CD109: variants seen among roughly 807,000 people sequenced by gnomAD.
CD109 encodes the protein CD109 molecule.
In CD109, 149 loss-of-function variants were observed where a neutral mutation model predicts 165.8. That is an observed-to-expected ratio of 0.90 (90% CI 0.79 to 1.03). The LOEUF is 1.03. CD109 is among the 50% of genes least tolerant of loss of function. CD109 has a pLI of 0.00. For synonymous variants in CD109, 585 were observed against 592.1 expected (o/e 0.99, Z 0.18); for missense variants, 1,712 against 1,677.8 (o/e 1.02, Z -0.36).
chr6:73,754,603 G>T (rs1240233999), intron 5 of CD109, among the ~76,000 whole-genome samples: 1 of 152,310 alleles, frequency 6.6e-6, no homozygotes, highest in East Asian at 1.9e-4. Context: ...GCTCAAATAA[G>T]TAAGTTGATT....
At chr6:73,789,231 A>C (rs942718844) in intron 22 of CD109, among the ~76,000 whole-genome samples, 1 of 152,218 alleles carries the variant, frequency 6.6e-6, no homozygotes, top group Non-Finnish European at 1.5e-5. Context: ...TTACAGTAGG[A>C]AGTTACTCAC....
chr6:73,761,340 T>G (rs1402231834), intron 7 of CD109, among the ~76,000 whole-genome samples: 2 of 152,182 alleles, frequency 1.3e-5, no homozygotes, highest in Admixed American at 1.3e-4. Flanking sequence ...GAAAGATTTA[T>G]GTAATCTTTA....
chr6:73,803,355 G>A (rs1035150559), intron 24 of CD109, 54 bp downstream of exon 24: 5 of 1,332,080 alleles, frequency 3.8e-6, no homozygotes, highest in Middle Eastern at 1.8e-4. Context: ...GCTTTCACTA[G>A]GTCACAATAG....
chr6:73,702,420 GATTA>G (rs1234744005), intron 2 of CD109, among the ~76,000 whole-genome samples: 1 of 152,214 alleles, frequency 6.6e-6, no homozygotes, highest in Non-Finnish European at 1.5e-5. Context: ...TATGAAAGTA[GATTA>G]ATTAGTGTAG....
intron 10 of CD109, 86 bp from the exon 11 acceptor site, chr6:73,765,844 A>G (rs951092892): frequency 3.2e-5 from 32 of 1,000,156 alleles, no homozygotes; most frequent in South Asian, 2.8e-4. Flanking sequence ...TGAGAGTTCA[A>G]TTTCATGAGA....
At chr6:73,810,873 G>C in intron 27 of CD109, 119 bp from the exon 28 acceptor site, 2 of 951,722 alleles carry the variant, frequency 2.1e-6, no homozygotes. Flanking sequence ...ATATGAATCA[G>C]GGAGCATTCC....
chr6:73,757,818 C>T (rs62438667), intron 6 of CD109, among the ~76,000 whole-genome samples: 59 of 152,164 alleles, frequency 3.9e-4, no homozygotes, highest in Non-Finnish European at 7.1e-4. Context: ...AAAAATTTGA[C>T]TACTAGAAAT....
intron 5 of CD109, among the ~76,000 whole-genome samples, chr6:73,736,860 G>T (rs1772564938): frequency 6.6e-6 from 1 of 152,184 alleles, no homozygotes; most frequent in Non-Finnish European, 1.5e-5. Flanking sequence ...TTAGAATAAT[G>T]ACTCCTAATG....
At chr6:73,711,111 A>G (rs557291426) in intron 2 of CD109, among the ~76,000 whole-genome samples, 3 of 152,322 alleles carry the variant, frequency 2.0e-5, no homozygotes, top group African/African-American at 7.2e-5. Context: ...TGACCCTGCC[A>G]TTAAAAATGC....
intron 31 of CD109, 31 bp from the exon 32 acceptor site, chr6:73,820,430 A>C: frequency 1.6e-6 from 2 of 1,255,082 alleles, no homozygotes; most frequent in Non-Finnish European, 2.3e-6. Flanking sequence ...ACAGTGTGCC[A>C]ACCCCTTAAG....
chr6:73,736,047 A>G (rs1184951077), intron 4 of CD109, among the ~76,000 whole-genome samples: 2 of 152,290 alleles, frequency 1.3e-5, no homozygotes, highest in East Asian at 1.9e-4. Flanking sequence ...CTTGGGAGAA[A>G]TATGAGAAAA....
intron 2 of CD109, chr6:73,723,011 C>T: frequency 3.0e-6 from 1 of 336,176 alleles, no homozygotes; most frequent in Non-Finnish European, 4.2e-6. Flanking sequence ...GAAGCAGAAC[C>T]TAATGTTTTT....
chr6:73,781,315 T>G lies in CD109; in HGVS notation c.1959T>G (p.Gly653=). 6.2e-7 allele frequency: 1 copy of G among 1,611,664 alleles called. No individual in the cohort carries two copies. Among genetic ancestry groups the G allele is most frequent in the Non-Finnish European group, 8.5e-7 (1 of 1,177,950 alleles). ...DANLTKDYID[G]VYDNAEYAER... Reference sequence around the variant, plus strand: ...ACCTCACGAAGGATTATATTGATGGTGTTTGTAAGTAATACATGGCGACAT... The same window carrying G: ...ACCTCACGAAGGATTATATTGATGGGGTTTGTAAGTAATACATGGCGACAT... Residue 653 remains glycine, a synonymous_variant, in exon 17 of 33, where the codon GGT becomes GGG. Coordinates refer to ENST00000287097, the MANE Select transcript of CD109 (RefSeq NM_133493.5).
intron 23 of CD109, among the ~76,000 whole-genome samples, 158 bp from the exon 24 acceptor site, chr6:73,803,062 A>G (rs1198987250): frequency 1.3e-5 from 2 of 152,148 alleles, no homozygotes; most frequent in Non-Finnish European, 2.9e-5. Flanking sequence ...TAAATTTCCA[A>G]CAGCACTTAA....
chr6:73,765,730 A>G (rs1773810558), intron 10 of CD109, among the ~76,000 whole-genome samples, 200 bp from the exon 11 acceptor site: 1 of 152,176 alleles, frequency 6.6e-6, no homozygotes, highest in Non-Finnish European at 1.5e-5. Flanking sequence ...GAGCCGCGGA[A>G]GTTAAGGGAA....
chr6:73,753,051 G>A (rs1281816163), intron 5 of CD109, among the ~76,000 whole-genome samples: 1 of 151,732 alleles, frequency 6.6e-6, no homozygotes, highest in Non-Finnish European at 1.5e-5. Context: ...TTTTAAACTA[G>A]AGGTTAGCAA....
chr6:73,722,368 A>T (rs906229663), intron 2 of CD109, among the ~76,000 whole-genome samples: 2 of 152,220 alleles, frequency 1.3e-5, no homozygotes, highest in Non-Finnish European at 2.9e-5. Flanking sequence ...GATGAAAAAA[A>T]TTGAGCTAGA....
Position 73,815,071 on chromosome 6 carries a change from G to A in CD109, c.3859G>A (p.Val1287Ile), listed in dbSNP as rs1775889367. The change falls in exon 30 of 33, where the codon GTA (valine) becomes ATA (isoleucine). Residue 1287 changes from valine (V) to isoleucine (I), a missense_variant. Coordinates refer to ENST00000287097, the MANE Select transcript of CD109 (RefSeq NM_133493.5). ...AGAAGCCTTTGATTTAGATGTTGCTGTAAAAGAAAATAAAGATGATCTCAA... is the reference window on the plus strand; with the variant it reads ...AGAAGCCTTTGATTTAGATGTTGCTATAAAAGAAAATAAAGATGATCTCAA... The part of the protein sequence containing the change: ...NQEAFDLDVA[V>I]KENKDDLNHV... 6.3e-7 allele frequency: 1 copy of A among 1,590,418 alleles called. No individual in the cohort carries two copies. Among genetic ancestry groups the A allele is most frequent in the African/African-American group, 1.4e-5 (1 of 73,186 alleles).
intron 6 of CD109, among the ~76,000 whole-genome samples, chr6:73,756,947 C>T (rs2150215303): frequency 6.6e-6 from 1 of 152,160 alleles, no homozygotes; most frequent in South Asian, 2.1e-4. Context: ...TATTTTTCTA[C>T]TTTGTTGTGA....
Sources: allele counts gnomAD v4.1 joint callset (sites outside exome capture counted in the v4.1 genomes callset), GRCh38; gene constraint gnomAD v4.1.1; transcripts MANE v1.5; gene names NCBI Gene and HGNC (gene_info 2026-07-23, HGNC 2026-07-21).